Variants in MAP2K4 observed in about 807,000 individuals in gnomAD.
MAP2K4 encodes dual specificity mitogen-activated protein kinase kinase 4.
Under a neutral mutation model 48.5 loss-of-function variants are expected in MAP2K4, and 4 were observed. The observed-to-expected ratio is 0.08, with a 90% CI of 0.04 to 0.19. MAP2K4 has a LOEUF of 0.19. MAP2K4 is among the 10% of genes least tolerant of loss of function. The probability of loss-of-function intolerance (pLI) is 1.00; values close to 1 mark genes in which losing one functional copy is unlikely to be tolerated. For synonymous variants in MAP2K4, 166 were observed against 173.1 expected (o/e 0.96, Z 0.32); for missense variants, 258 against 493.3 (o/e 0.52, Z 4.52).
At chr17:12,032,221 T>G in intron 1 of MAP2K4, 1 of 1,165,260 alleles carries the variant, frequency 8.6e-7, no homozygotes, top group Non-Finnish European at 1.2e-6. Flanking sequence ...TTTTGGTTTG[T>G]TTGATTTACA....
At chr17:12,104,286 A>T (rs997948866) in intron 4 of MAP2K4, among the ~76,000 whole-genome samples, 14 of 152,126 alleles carry the variant, frequency 9.2e-5, no homozygotes, top group African/African-American at 3.4e-4. Context: ...GGAGTCACAA[A>T]CCAGTGGTTT....
At chr17:12,059,396 C>T (rs2151529580) in intron 2 of MAP2K4, among the ~76,000 whole-genome samples, 1 of 152,310 alleles carries the variant, frequency 6.6e-6, no homozygotes, top group Admixed American at 6.5e-5. Context: ...TTCTGTTAAA[C>T]ATTCTGTGTT....
intron 1 of MAP2K4, among the ~76,000 whole-genome samples, chr17:12,054,394 A>G (rs1970228241): frequency 6.6e-6 from 1 of 152,152 alleles, no homozygotes; most frequent in Non-Finnish European, 1.5e-5. Flanking sequence ...ATAATTATTT[A>G]GAATACTTGT....
chr17:12,118,811 A>G (rs1378921590), intron 7 of MAP2K4, among the ~76,000 whole-genome samples: 1 of 152,222 alleles, frequency 6.6e-6, no homozygotes, highest in Non-Finnish European at 1.5e-5. Context: ...CACTTGGCCA[A>G]CAGTGACTAA....
chr17:12,125,786 A>G (rs890073086), intron 8 of MAP2K4, among the ~76,000 whole-genome samples: 13 of 152,192 alleles, frequency 8.5e-5, no homozygotes, highest in African/African-American at 2.9e-4. Context: ...AAGTATACGT[A>G]TTTTTATATG....
intron 4 of MAP2K4, among the ~76,000 whole-genome samples, chr17:12,102,783 A>G (rs956919633): frequency 1.3e-5 from 2 of 151,994 alleles, no homozygotes; most frequent in African/African-American, 2.4e-5. Context: ...TATCCCTTTC[A>G]TCTAAATTAT....
intron 8 of MAP2K4, 35 bp downstream of exon 8, chr17:12,125,406 C>A (rs754714811): frequency 6.5e-7 from 1 of 1,544,934 alleles, no homozygotes. Flanking sequence ...GCCACAGTAG[C>A]GTAACAATAA....
At chr17:12,105,429 G>T (rs865908532) in intron 4 of MAP2K4, among the ~76,000 whole-genome samples, 8 of 152,080 alleles carry the variant, frequency 5.3e-5, no homozygotes, top group African/African-American at 1.4e-4. Context: ...TATTGAGAAT[G>T]ATATCTTTTT....
At chr17:12,038,868 G>A (rs969529515) in intron 1 of MAP2K4, among the ~76,000 whole-genome samples, 1 of 152,208 alleles carries the variant, frequency 6.6e-6, no homozygotes, top group South Asian at 2.1e-4. Context: ...AAACCTTAGT[G>A]TTTTACTAAT....
intron 8 of MAP2K4, among the ~76,000 whole-genome samples, chr17:12,127,705 T>G (rs934461920): frequency 1.3e-5 from 2 of 152,372 alleles, no homozygotes; most frequent in African/African-American, 2.4e-5. Context: ...AGGAATCTAA[T>G]GAAGTTATTC....
chr17:12,109,078 G>A (rs1276728129), intron 5 of MAP2K4, among the ~76,000 whole-genome samples: 1 of 151,638 alleles, frequency 6.6e-6, no homozygotes, highest in Admixed American at 6.6e-5. Flanking sequence ...AACTCTCTGT[G>A]GTAAATAGTG....
intron 4 of MAP2K4, among the ~76,000 whole-genome samples, chr17:12,106,634 A>G (rs1378849484): frequency 6.6e-6 from 1 of 152,120 alleles, no homozygotes; most frequent in Non-Finnish European, 1.5e-5. Context: ...ATTAATGGGT[A>G]GAAAATCTTT....
At chr17:12,090,955 T>A (rs896013312) in intron 3 of MAP2K4, among the ~76,000 whole-genome samples, 3 of 152,206 alleles carry the variant, frequency 2.0e-5, no homozygotes, top group African/African-American at 7.2e-5. Flanking sequence ...GTTAGTTTTA[T>A]TGCTAGTCAT....
intron 2 of MAP2K4, among the ~76,000 whole-genome samples, chr17:12,068,588 T>C (rs1970688414): frequency 6.6e-6 from 1 of 152,100 alleles, no homozygotes; most frequent in Non-Finnish European, 1.5e-5. Flanking sequence ...CTTGTAGAAT[T>C]CTGGCTTGAA....
At chr17:12,127,427 AC>A (rs201558556) in intron 8 of MAP2K4, among the ~76,000 whole-genome samples, 1,768 of 152,350 alleles carry the variant, frequency 0.012, 18 homozygotes, top group Non-Finnish European at 0.018. Context: ...CTAAACAATT[AC>A]GTTTTAAAAG....
At chr17:12,133,295 T>C (rs771701861) in intron 9 of MAP2K4, among the ~76,000 whole-genome samples, 1 of 152,232 alleles carries the variant, frequency 6.6e-6, no homozygotes, top group South Asian at 2.1e-4. Context: ...CTGGCCAGGC[T>C]GGTCTTGAAC....
chr17:12,022,621 G>C (rs1300211881), intron 1 of MAP2K4, among the ~76,000 whole-genome samples: 1 of 152,006 alleles, frequency 6.6e-6, no homozygotes, highest in Non-Finnish European at 1.5e-5. Flanking sequence ...TGTTTTTTTG[G>C]TTCAAAAAAT....
intron 3 of MAP2K4, among the ~76,000 whole-genome samples, chr17:12,092,313 T>C (rs933985176): frequency 5.3e-5 from 8 of 152,212 alleles, no homozygotes; most frequent in African/African-American, 1.9e-4. Flanking sequence ...TGGCGTCACC[T>C]TGTTACTTCC....
Position 12,095,486 on chromosome 17 carries a change from C to T in MAP2K4, c.394-89C>T, listed in dbSNP as rs117308356. The T allele has an allele frequency of 9.8e-3, 14,016 of 1,430,656 alleles. 105 individuals carry two copies. Among genetic ancestry groups the T allele is most frequent in the Middle Eastern group, 0.014 (78 of 5,704 alleles). 88.6% of individuals were successfully genotyped at this position (1,430,656 alleles called of 1,614,324 possible). On this transcript the variant is annotated intron_variant, in intron 3 of 10. Transcript: ENST00000353533. ...AGTTTGGTAATTTTTAGTCTCGTAA[C>T]GGTTTTTCTCTACCATGAGACTAAA...
Sources: allele counts gnomAD v4.1 joint callset (sites outside exome capture counted in the v4.1 genomes callset), GRCh38; gene constraint gnomAD v4.1.1; transcripts MANE v1.5; gene names NCBI Gene and HGNC (gene_info 2026-07-23, HGNC 2026-07-21).